Variants in CDKAL1 observed in about 807,000 individuals in gnomAD.
CDKAL1 encodes the protein CDKAL1 threonylcarbamoyladenosine tRNA methylthiotransferase, also known as threonylcarbamoyladenosine tRNA methylthiotransferase.
A neutral mutation model predicts 68.2 loss-of-function variants in CDKAL1; 32 were observed. The ratio of observed to expected loss-of-function variants is 0.47; its 90% CI spans 0.35 to 0.63. The LOEUF (loss-of-function observed/expected upper bound fraction) is 0.63. CDKAL1 is among the 30% of genes least tolerant of loss of function. The pLI, the probability that CDKAL1 is intolerant of heterozygous loss-of-function variation, is 0.00. For missense variants in CDKAL1, 606 were observed against 696.7 expected, an observed-to-expected ratio of 0.87 and a Z score of 1.47; for synonymous variants, 234 against 244.3, an observed-to-expected ratio of 0.96 and a Z score of 0.39.
intron 13 of CDKAL1, among the ~76,000 whole-genome samples, chr6:21,176,343 C>T (rs1224162302): frequency 2.0e-5 from 3 of 152,188 alleles, no homozygotes; most frequent in Non-Finnish European, 4.4e-5. Context: ...GTGTTTAATG[C>T]TGATTAATTT....
chr6:20,774,311 C>T (rs1245716825), intron 7 of CDKAL1, among the ~76,000 whole-genome samples: 2 of 152,294 alleles, frequency 1.3e-5, no homozygotes, highest in Non-Finnish European at 2.9e-5. Context: ...CACTTTAGAA[C>T]GTGAGAACCA....
chr6:20,980,701 A>C (rs1033914640), intron 10 of CDKAL1, among the ~76,000 whole-genome samples: 2 of 152,240 alleles, frequency 1.3e-5, no homozygotes, highest in South Asian at 4.1e-4. Flanking sequence ...AAAAAAGGCA[A>C]CTTCACGTGT....
Position 21,004,780 on chromosome 6 carries a change from C to G in CDKAL1, c.1055+4408C>G, listed in dbSNP as rs78800810. On this transcript the variant is annotated intron_variant, in intron 11 of 15. Coordinates refer to ENST00000274695, the MANE Select transcript of CDKAL1 (RefSeq NM_017774.3). ...AGGAGTTCCAGACCAGCCTGTGAGA[C>G]CGTATCTCTACAAAAAAATAAAAAT... 1.6e-3 allele frequency among the ~76,000 whole-genome samples: 237 copies of G among 151,986 alleles called. 1 individual carries two copies. The highest frequency in any genetic ancestry group is 5.6e-3 in the African/African-American group (231 of 41,410).
At chr6:21,202,104 G>A (rs1778714226) in intron 15 of CDKAL1, among the ~76,000 whole-genome samples, 1 of 152,104 alleles carries the variant, frequency 6.6e-6, no homozygotes, top group Non-Finnish European at 1.5e-5. Context: ...AAAATAAAGG[G>A]AATACCGCTT....
chr6:20,674,460 C>T (rs9368219), intron 5 of CDKAL1, among the ~76,000 whole-genome samples: 29,471 of 151,954 alleles, frequency 0.19, 2,951 homozygotes, highest in East Asian at 0.37. Flanking sequence ...AAAATGGATA[C>T]GCAGTAACCA....
In CDKAL1 at chr6:20,616,839, C is replaced by CCACACACACACACACACACACA. The variant is rs756883799; in HGVS notation, c.287-32432_287-32411dup. Reference sequence around the variant, plus strand: ...ACAGCATGGCGAAACCCCGACTCTACCACACACACACACACACACACACAC... The same window carrying CCACACACACACACACACACACA: ...ACAGCATGGCGAAACCCCGACTCTACCACACACACACACACACACACACACACACACACACACACACACACAC... On this transcript the variant is annotated intron_variant, in intron 4 of 15. Coordinates refer to ENST00000274695, the MANE Select transcript of CDKAL1 (RefSeq NM_017774.3). 1.2e-3 allele frequency among the ~76,000 whole-genome samples: 140 copies of CCACACACACACACACACACACA among 121,386 alleles called. 1 individual carries two copies. Among genetic ancestry groups the CCACACACACACACACACACACA allele is most frequent in the Middle Eastern group, 4.2e-3 (1 of 240 alleles). The allele number at this position is 121,386 out of a possible 152,430, so 79.6% of individuals were successfully genotyped here.
At chr6:21,197,013 C>A (rs192934041) in intron 13 of CDKAL1, among the ~76,000 whole-genome samples, 68 of 152,210 alleles carry the variant, frequency 4.5e-4, no homozygotes, top group Middle Eastern at 3.4e-3. Context: ...TAAAAATTAG[C>A]CGGGCATAGT....
intron 10 of CDKAL1, among the ~76,000 whole-genome samples, chr6:20,980,810 T>G (rs1766105143): frequency 6.6e-5 from 10 of 152,194 alleles, no homozygotes; most frequent in Middle Eastern, 3.4e-3. Context: ...AATCCAGGTT[T>G]AAGAAAAACT....
At chr6:20,577,038 C>G (rs1238229907) in intron 4 of CDKAL1, among the ~76,000 whole-genome samples, 1 of 151,704 alleles carries the variant, frequency 6.6e-6, no homozygotes, top group African/African-American at 2.4e-5. Flanking sequence ...TTCCTTTTGC[C>G]TTTTCAGGCC....
At chr6:20,748,554 GGAAAAAAAA>G (rs1366752245) in intron 6 of CDKAL1, among the ~76,000 whole-genome samples, 26 of 77,084 alleles carry the variant, frequency 3.4e-4, no homozygotes, top group African/African-American at 9.0e-4. Flanking sequence ...CTCTGTTTCT[GGAAAAAAAA>G]AAAAAAAAAA....
At chr6:21,140,309 G>A (rs771041051) in intron 13 of CDKAL1, among the ~76,000 whole-genome samples, 17 of 152,286 alleles carry the variant, frequency 1.1e-4, no homozygotes, top group Admixed American at 7.8e-4. Context: ...AACTCTTGCC[G>A]ACTGGAATTG....
chr6:20,970,886 G>A (rs1396121421), intron 10 of CDKAL1, among the ~76,000 whole-genome samples: 1 of 152,142 alleles, frequency 6.6e-6, no homozygotes, highest in Non-Finnish European at 1.5e-5. Flanking sequence ...GTCTCGCTCT[G>A]TCACCCAGGC....
intron 5 of CDKAL1, among the ~76,000 whole-genome samples, chr6:20,683,181 C>A (rs1382768883): frequency 1.3e-5 from 2 of 152,086 alleles, no homozygotes; most frequent in African/African-American, 4.8e-5. Flanking sequence ...CTAGTTTAAT[C>A]CCACTGGAGC....
At chr6:20,550,618 G>C (rs1763781066) in intron 4 of CDKAL1, among the ~76,000 whole-genome samples, 1 of 152,086 alleles carries the variant, frequency 6.6e-6, no homozygotes, top group Non-Finnish European at 1.5e-5. Flanking sequence ...CCACCGTGAG[G>C]TGTCGCTGTT....
At chr6:20,751,644 TA>T (rs1284640375) in intron 6 of CDKAL1, among the ~76,000 whole-genome samples, 1 of 152,210 alleles carries the variant, frequency 6.6e-6, no homozygotes, top group Non-Finnish European at 1.5e-5. Flanking sequence ...TAGTTGATAA[TA>T]GCTGAATAAA....
At chr6:21,165,434 A>G (rs1285386789) in intron 13 of CDKAL1, among the ~76,000 whole-genome samples, 1 of 152,226 alleles carries the variant, frequency 6.6e-6, no homozygotes, top group Non-Finnish European at 1.5e-5. Flanking sequence ...CTAAAAGGAT[A>G]TAGCAAATAT....
intron 9 of CDKAL1, among the ~76,000 whole-genome samples, chr6:20,954,652 A>G (rs73375731): frequency 0.013 from 2,019 of 151,936 alleles, 45 homozygotes; most frequent in African/African-American, 0.045. Flanking sequence ...ATTTTAAATA[A>G]CATGAGGGGG....
intron 11 of CDKAL1, among the ~76,000 whole-genome samples, chr6:21,016,565 T>C (rs1768346419): frequency 1.3e-5 from 2 of 152,016 alleles, no homozygotes; most frequent in African/African-American, 4.8e-5. Context: ...CCCTCCTCCT[T>C]AAATCAATTC....
chr6:20,590,607 G>A (rs1661332297), intron 4 of CDKAL1, among the ~76,000 whole-genome samples: 1 of 152,046 alleles, frequency 6.6e-6, no homozygotes, highest in Non-Finnish European at 1.5e-5. Flanking sequence ...AACATGCAGT[G>A]TTTGGTTTTC....
Sources: gnomAD v4.1 joint callset for allele counts (sites outside exome capture counted in the v4.1 genomes callset) on GRCh38, gnomAD v4.1.1 for gene constraint, MANE v1.5 for transcripts, NCBI Gene and HGNC (gene_info 2026-07-23, HGNC 2026-07-21) for gene names.